KCTD16: variants seen among roughly 807,000 people sequenced by gnomAD.
KCTD16 encodes potassium channel tetramerization domain containing 16.
In KCTD16, 13 loss-of-function variants were observed where a neutral mutation model predicts 33.2. The observed-to-expected ratio is 0.39, with a 90% CI of 0.25 to 0.62. The LOEUF (loss-of-function observed/expected upper bound fraction) is 0.62. Among genes scored for constraint, KCTD16 ranks in the 20% least tolerant of loss-of-function variants. KCTD16 has a pLI of 0.50. For missense variants in KCTD16, 441 were observed against 525.1 expected (o/e 0.84, Z 1.57); for synonymous variants, 197 against 195.3 (o/e 1.01, Z -0.07).
chr5:144,245,469 T>C (rs1243909653), intron 3 of KCTD16, among the ~76,000 whole-genome samples: 1 of 152,024 alleles, frequency 6.6e-6, no homozygotes, highest in Non-Finnish European at 1.5e-5. Flanking sequence ...TCTGCAAAAG[T>C]CTTGAGGGAG....
At chr5:144,442,450 C>CTTCTTTCT (rs138864208) in intron 3 of KCTD16, among the ~76,000 whole-genome samples, 1,746 of 147,874 alleles carry the variant, frequency 0.012, 15 homozygotes, top group Admixed American at 0.017. Flanking sequence ...TCTTTTCTTT[C>CTTCTTTCT]TTCTTTCTTT....
At chr5:144,274,208 C>T (rs563680439) in intron 3 of KCTD16, among the ~76,000 whole-genome samples, 1 of 150,782 alleles carries the variant, frequency 6.6e-6, no homozygotes, top group African/African-American at 2.4e-5. Context: ...TACTGTTTCC[C>T]CCTCTTTTTC....
intron 3 of KCTD16, among the ~76,000 whole-genome samples, chr5:144,304,950 C>T (rs1478217756): frequency 6.6e-6 from 1 of 150,614 alleles, no homozygotes; most frequent in African/African-American, 2.4e-5. Context: ...GAAACAGAAA[C>T]CTCGAAGCCA....
chr5:144,352,917 G>T (rs78263550), intron 3 of KCTD16, among the ~76,000 whole-genome samples: 1 of 152,126 alleles, frequency 6.6e-6, no homozygotes, highest in Non-Finnish European at 1.5e-5. Context: ...CCAACAAGCC[G>T]TCTGCTTATA....
chr5:144,233,881 G>A (rs1231724860), intron 3 of KCTD16, among the ~76,000 whole-genome samples: 1 of 151,864 alleles, frequency 6.6e-6, no homozygotes, highest in Admixed American at 6.6e-5. Context: ...GAAGAGGGAG[G>A]GATCAAAAAA....
At chr5:144,233,805 C>T (rs993759054) in intron 3 of KCTD16, among the ~76,000 whole-genome samples, 3 of 152,168 alleles carry the variant, frequency 2.0e-5, no homozygotes, top group East Asian at 1.9e-4. Flanking sequence ...ATTGTGCCAA[C>T]TGGTTTTATC....
chr5:144,216,269 T>C (rs896588319), intron 3 of KCTD16, among the ~76,000 whole-genome samples: 3 of 152,196 alleles, frequency 2.0e-5, no homozygotes, highest in African/African-American at 7.2e-5. Context: ...TGCTTCACAC[T>C]GTGAGTAGCT....
At chr5:144,452,337 G>A (rs1260066882) in intron 3 of KCTD16, among the ~76,000 whole-genome samples, 2 of 151,716 alleles carry the variant, frequency 1.3e-5, no homozygotes, top group Non-Finnish European at 2.9e-5. Context: ...GGAAGAAAAT[G>A]AAACCTAAAT....
At chr5:144,441,857 C>CA (rs762797316) in intron 3 of KCTD16, among the ~76,000 whole-genome samples, 7,641 of 104,892 alleles carry the variant, frequency 0.073, 663 homozygotes, top group African/African-American at 0.23. Flanking sequence ...ACAATTTCTG[C>CA]AAAAAAAAAA....
At chr5:144,398,940 G>A (rs1752640575) in intron 3 of KCTD16, among the ~76,000 whole-genome samples, 1 of 152,054 alleles carries the variant, frequency 6.6e-6, no homozygotes, top group South Asian at 2.1e-4. Flanking sequence ...TTGCTGCAAG[G>A]TTAAATATGG....
At chr5:144,184,584 C>T (rs867632618) in intron 2 of KCTD16, among the ~76,000 whole-genome samples, 1 of 152,122 alleles carries the variant, frequency 6.6e-6, no homozygotes, top group Admixed American at 6.6e-5. Context: ...GAGAAACTGC[C>T]ATACTGTTTT....
At chr5:144,422,041 A>G (rs1301371229) in intron 3 of KCTD16, among the ~76,000 whole-genome samples, 5 of 152,172 alleles carry the variant, frequency 3.3e-5, no homozygotes, top group South Asian at 2.1e-4. Context: ...ATTTCAACCA[A>G]TGTCCCTCAT....
Position 144,207,255 on chromosome 5 carries a change from C to G in KCTD16, c.541C>G (p.Gln181Glu), listed in dbSNP as rs776862453. 1 of 1,614,184 alleles carries G rather than the reference C, an allele frequency of 6.2e-7. No individual in the cohort carries two copies. Among genetic ancestry groups the G allele is most frequent in the Non-Finnish European group, 8.5e-7 (1 of 1,180,044 alleles). ...RGSCTLGREG[Q>E]ADAKFRRVPR... ...ATCCTGCACCTTGGGCAGAGAGGGA[C>G]AGGCAGATGCCAAGTTTCGGAGAGT... The change falls in exon 3 of 4, where the codon CAG becomes GAG. Residue 181 changes from glutamine to glutamate, a missense_variant. Transcript: ENST00000512467.
intron 2 of KCTD16, among the ~76,000 whole-genome samples, chr5:144,200,295 GA>G (rs1420373839): frequency 6.6e-6 from 1 of 152,138 alleles, no homozygotes; most frequent in African/African-American, 2.4e-5. Flanking sequence ...TGGAAATCAG[GA>G]GTATTTTCAG....
At chr5:144,233,469 AAAG>A (rs547687600) in intron 3 of KCTD16, among the ~76,000 whole-genome samples, 3 of 152,106 alleles carry the variant, frequency 2.0e-5, no homozygotes, top group Non-Finnish European at 4.4e-5. Flanking sequence ...TGCCTGGAAA[AAAG>A]AAAAAGAGGA....
chr5:144,459,207 T>A (rs1188856901), intron 3 of KCTD16, among the ~76,000 whole-genome samples: 2 of 152,174 alleles, frequency 1.3e-5, no homozygotes, highest in Non-Finnish European at 1.5e-5. Context: ...ATCTGTAAAA[T>A]GGGAATCTGG....
At chr5:144,348,420 G>C (rs1024860083) in intron 3 of KCTD16, among the ~76,000 whole-genome samples, 2 of 152,194 alleles carry the variant, frequency 1.3e-5, no homozygotes, top group African/African-American at 4.8e-5. Context: ...TAAGTCACCA[G>C]CTGGTAAATA....
chr5:144,205,258 C>T (rs1005079507), intron 2 of KCTD16: 13 of 314,548 alleles, frequency 4.1e-5, no homozygotes, highest in Non-Finnish European at 7.5e-5. Context: ...CGTCCCCGTG[C>T]AGTCCTGGCA....
chr5:144,316,694 G>A (rs537654988), intron 3 of KCTD16, among the ~76,000 whole-genome samples: 1 of 151,866 alleles, frequency 6.6e-6, no homozygotes, highest in African/African-American at 2.4e-5. Context: ...TGTATTTTTA[G>A]TGGAGAAGGG....
Sources: allele counts gnomAD v4.1 joint callset (sites outside exome capture counted in the v4.1 genomes callset), GRCh38; gene constraint gnomAD v4.1.1; transcripts MANE v1.5; gene names NCBI Gene and HGNC (gene_info 2026-07-23, HGNC 2026-07-21).